PHLDB2: variants seen among roughly 807,000 people sequenced by gnomAD.
PHLDB2 encodes the protein pleckstrin homology like domain family B member 2, also known as pleckstrin homology-like domain family B member 2.
Under a neutral mutation model 123.6 loss-of-function variants are expected in PHLDB2, and 71 were observed. The ratio of observed to expected loss-of-function variants is 0.57; its 90% CI spans 0.47 to 0.70. PHLDB2 has a LOEUF of 0.70. PHLDB2 is among the 30% of genes least tolerant of loss of function. PHLDB2 has a pLI of 0.00. For missense variants in PHLDB2, 1,446 were observed against 1,519.5 expected, an observed-to-expected ratio of 0.95 and a Z score of 0.80; for synonymous variants, 547 against 541.6, an observed-to-expected ratio of 1.01 and a Z score of -0.14.
At chr3:111,771,025 A>T (rs1234143634) in intron 1 of PHLDB2, among the ~76,000 whole-genome samples, 1 of 152,186 alleles carries the variant, frequency 6.6e-6, no homozygotes, top group Non-Finnish European at 1.5e-5. Flanking sequence ...TGCACACACC[A>T]TTGTGCAGCT....
intron 2 of PHLDB2, among the ~76,000 whole-genome samples, chr3:111,910,000 G>A (rs2067791890): frequency 6.6e-6 from 1 of 152,126 alleles, no homozygotes; most frequent in Non-Finnish European, 1.5e-5. Flanking sequence ...AGTTACAAGG[G>A]CCCTTGGATG....
chr3:111,812,945 C>G (rs1020851129), intron 1 of PHLDB2, among the ~76,000 whole-genome samples: 2 of 152,104 alleles, frequency 1.3e-5, no homozygotes, highest in African/African-American at 4.8e-5. Context: ...GGATGCTTCC[C>G]CCATAGCATT....
At chr3:111,840,224 C>G (rs2108546196) in intron 1 of PHLDB2, among the ~76,000 whole-genome samples, 1 of 151,808 alleles carries the variant, frequency 6.6e-6, no homozygotes, top group African/African-American at 2.4e-5. Flanking sequence ...TGCACTCCAG[C>G]CTGGGTGACA....
intron 1 of PHLDB2, among the ~76,000 whole-genome samples, chr3:111,756,184 G>T (rs2059885620): frequency 6.6e-6 from 1 of 151,924 alleles, no homozygotes; most frequent in Non-Finnish European, 1.5e-5. Flanking sequence ...TTGGTGCAGA[G>T]CTGAGTTCAA....
At chr3:111,761,612 G>A (rs778319013) in intron 1 of PHLDB2, among the ~76,000 whole-genome samples, 12 of 152,124 alleles carry the variant, frequency 7.9e-5, no homozygotes, top group Non-Finnish European at 1.6e-4. Flanking sequence ...GAGGCCAGTC[G>A]TTCTCAAACT....
intron 2 of PHLDB2, among the ~76,000 whole-genome samples, chr3:111,894,208 A>G (rs993744695): frequency 1.5e-4 from 23 of 151,106 alleles, no homozygotes; most frequent in African/African-American, 4.1e-4. Flanking sequence ...ATGATTTCCA[A>G]TTTCATCCAT....
intron 13 of PHLDB2, among the ~76,000 whole-genome samples, chr3:111,965,224 T>C (rs11917711): frequency 0.17 from 25,309 of 152,208 alleles, 2,426 homozygotes; most frequent in African/African-American, 0.25. Flanking sequence ...GATACTGCCA[T>C]GTTCTTCTCT....
At chr3:111,817,098 T>C (rs2062115843) in intron 1 of PHLDB2, among the ~76,000 whole-genome samples, 1 of 152,194 alleles carries the variant, frequency 6.6e-6, no homozygotes, top group Non-Finnish European at 1.5e-5. Context: ...GTAAGTCCAA[T>C]AAACCTATTT....
chr3:111,846,592 G>A (rs1360547328), intron 2 of PHLDB2: 3 of 152,168 alleles, frequency 2.0e-5, no homozygotes, highest in East Asian at 3.9e-4. Flanking sequence ...AAGTCTTCTT[G>A]TATTAAGGGA....
In PHLDB2 at chr3:111,836,166, GC is replaced by G. The variant is rs140840944; in HGVS notation, c.-48-9654del. On this transcript the variant is annotated intron_variant, in intron 1 of 17. Coordinates refer to the PHLDB2 transcript ENST00000393923. The stretch of plus-strand genomic sequence containing the variant: ...GAACAACTTACAGAATAAAACAGCT[GC>G]TGGAGACTAATCTGAAAGGACAAAA... Among the ~76,000 whole-genome samples, 370 of 152,278 alleles carry G rather than the reference GC, an allele frequency of 2.4e-3. 4 individuals are homozygous for G. The highest frequency in any genetic ancestry group is 8.6e-3 in the African/African-American group (358 of 41,552).
chr3:111,828,145 C>T (rs1458568769), intron 1 of PHLDB2, among the ~76,000 whole-genome samples: 1 of 152,244 alleles, frequency 6.6e-6, no homozygotes, highest in Non-Finnish European at 1.5e-5. Flanking sequence ...CTACACAGAA[C>T]CAGTGTATTT....
chr3:111,960,769 C>T (rs888839727), intron 12 of PHLDB2, among the ~76,000 whole-genome samples: 2 of 152,058 alleles, frequency 1.3e-5, no homozygotes, highest in African/African-American at 4.8e-5. Context: ...GTAATAACTC[C>T]CTGGGTAATG....
At position 111,776,524 on chromosome 3, in the gene PHLDB2, C is replaced by G. The variant is rs1279361296; in HGVS notation, c.-49+43821C>G. 1.3e-5 allele frequency among the ~76,000 whole-genome samples: 2 copies of G among 152,132 alleles called. 1 individual carries two copies. Among genetic ancestry groups the G allele is most frequent in the Admixed American group, 1.3e-4 (2 of 15,246 alleles). On this transcript the variant is annotated intron_variant, in intron 1 of 17. Coordinates refer to the PHLDB2 transcript ENST00000393923. ...ACAGTTGGAATCTCCCTGCAGCATC[C>G]TGGAAAGTTTAGCTTCCTGAGGGCA...
intron 2 of PHLDB2, chr3:111,911,583 TAA>T (rs1428418804): frequency 6.5e-7 from 1 of 1,529,600 alleles, no homozygotes; most frequent in Admixed American, 2.0e-5. Flanking sequence ...ACTGAAGAGA[TAA>T]ATAAGTACCA....
At position 111,967,675 on chromosome 3, in the gene PHLDB2, T is replaced by G. The variant is rs1172092621; in HGVS notation, c.3169-3T>G. ...AATAATCATTGTTATGCATAATGTT[T>G]AGGAACGGGAAATGGAAGCCAAAAA... On this transcript the variant is annotated splice_region_variant and splice_polypyrimidine_tract_variant and intron_variant, in intron 14 of 17. Transcript: ENST00000431670. The G allele has an allele frequency of 6.2e-7, 1 of 1,606,012 alleles. No individual in the cohort carries two copies. The highest frequency in any genetic ancestry group is 8.5e-7 in the Non-Finnish European group (1 of 1,177,472).
intron 8 of PHLDB2, 92 bp from the exon 9 acceptor site, chr3:111,945,176 A>G (rs968357009): frequency 1.2e-6 from 1 of 833,598 alleles, no homozygotes; most frequent in African/African-American, 1.7e-5. Context: ...AATATGTGAG[A>G]ATCTGATGTT....
chr3:111,834,256 AATTC>A (rs2063285559), intron 1 of PHLDB2, among the ~76,000 whole-genome samples: 1 of 121,016 alleles, frequency 8.3e-6, no homozygotes, highest in African/African-American at 3.0e-5. Flanking sequence ...TTATATATAT[AATTC>A]TATTATATAC....
At chr3:111,809,826 A>C (rs1272966251) in intron 1 of PHLDB2, among the ~76,000 whole-genome samples, 1 of 152,216 alleles carries the variant, frequency 6.6e-6, no homozygotes, top group Admixed American at 6.5e-5. Context: ...AAGAGTATGC[A>C]AACTCAAGAG....
chr3:111,813,866 G>A (rs2061953946), intron 1 of PHLDB2, among the ~76,000 whole-genome samples: 1 of 152,280 alleles, frequency 6.6e-6, no homozygotes, highest in South Asian at 2.1e-4. Context: ...GAGTGAAAAG[G>A]GGCACTAAAG....
Sources: allele counts gnomAD v4.1 joint callset (sites outside exome capture counted in the v4.1 genomes callset), GRCh38; gene constraint gnomAD v4.1.1; transcripts MANE v1.5; gene names NCBI Gene and HGNC (gene_info 2026-07-23, HGNC 2026-07-21).